Variants in DLGAP1 observed in about 807,000 individuals in gnomAD.
DLGAP1 encodes the protein DLG associated protein 1.
A neutral mutation model predicts 90.8 loss-of-function variants in DLGAP1; 11 were observed. That is an observed-to-expected ratio of 0.12 (90% CI 0.08 to 0.20). The LOEUF (loss-of-function observed/expected upper bound fraction) is 0.20. DLGAP1 is among the 10% of genes least tolerant of loss of function. DLGAP1 has a pLI of 1.00. For missense variants in DLGAP1, 1,050 were observed against 1,333.8 expected, an observed-to-expected ratio of 0.79 and a Z score of 3.31; for synonymous variants, 558 against 540.7, an observed-to-expected ratio of 1.03 and a Z score of -0.44.
intron 1 of DLGAP1, among the ~76,000 whole-genome samples, chr18:4,418,223 G>A (rs1462536301): frequency 6.6e-6 from 1 of 152,036 alleles, no homozygotes; most frequent in Non-Finnish European, 1.5e-5. Context: ...TCCACTACTA[G>A]GCAGAAAAAA....
intron 2 of DLGAP1, among the ~76,000 whole-genome samples, chr18:4,112,229 C>T (rs971078329): frequency 1.3e-5 from 2 of 151,788 alleles, no homozygotes; most frequent in Non-Finnish European, 2.9e-5. Flanking sequence ...TGAGAATTTC[C>T]CCATTTTTTT....
chr18:3,913,283 G>A (rs1339716677), intron 3 of DLGAP1, among the ~76,000 whole-genome samples: 5 of 151,890 alleles, frequency 3.3e-5, no homozygotes, highest in Non-Finnish European at 7.4e-5. Context: ...GTTTTGAGGG[G>A]GTCTCACTTT....
intron 4 of DLGAP1, among the ~76,000 whole-genome samples, chr18:3,842,830 G>A (rs1335904163): frequency 6.6e-6 from 1 of 152,024 alleles, no homozygotes; most frequent in Non-Finnish European, 1.5e-5. Flanking sequence ...TTGTAACCTC[G>A]ATATCTTTGT....
At chr18:3,704,494 C>T (rs1444438238) in intron 7 of DLGAP1, among the ~76,000 whole-genome samples, 10 of 151,892 alleles carry the variant, frequency 6.6e-5, no homozygotes, top group Admixed American at 1.3e-4. Flanking sequence ...CGCTTGAACC[C>T]GGGAGGCAGA....
chr18:4,181,721 T>C (rs2077211277), intron 1 of DLGAP1, among the ~76,000 whole-genome samples: 2 of 152,102 alleles, frequency 1.3e-5, no homozygotes, highest in South Asian at 4.1e-4. Context: ...GTGTCTGGTA[T>C]TTTGACATTC....
intron 7 of DLGAP1, among the ~76,000 whole-genome samples, chr18:3,600,915 GAT>G (rs1364495089): frequency 3.0e-4 from 5 of 16,780 alleles, no homozygotes; most frequent in South Asian, 2.5e-3. Flanking sequence ...TATATAGATA[GAT>G]ATAGATATAT....
intron 1 of DLGAP1, among the ~76,000 whole-genome samples, chr18:4,304,931 C>CAAA (rs36110099): frequency 7.0e-6 from 1 of 142,364 alleles, no homozygotes. Flanking sequence ...AACTGTGTCT[C>CAAA]AAAAAAAAAA....
chr18:4,349,297 G>A (rs1299084510), intron 1 of DLGAP1, among the ~76,000 whole-genome samples: 4 of 152,092 alleles, frequency 2.6e-5, no homozygotes, highest in South Asian at 2.1e-4. Flanking sequence ...TCTCCAAAAC[G>A]ACTGGCCAGC....
Position 4,261,220 on chromosome 18 carries a change from G to C in DLGAP1, c.-266-109933C>G, listed in dbSNP as rs545121871. Among the ~76,000 whole-genome samples the C allele has an allele frequency of 1.0e-3, 158 of 152,238 alleles. 1 individual carries two copies. The highest frequency in any genetic ancestry group is 3.5e-3 in the African/African-American group (147 of 41,530). ...TAGCTGCTGTGCCTGAAAAGAAGCT[G>C]AACTAATGAAAACAGGGTAGCCGTC... On this transcript the variant is annotated intron_variant, in intron 1 of 12. Coordinates refer to ENST00000315677, the MANE Select transcript of DLGAP1 (RefSeq NM_004746.4).
intron 3 of DLGAP1, among the ~76,000 whole-genome samples, chr18:3,938,537 T>C (rs1317822168): frequency 6.6e-6 from 1 of 152,206 alleles, no homozygotes; most frequent in African/African-American, 2.4e-5. Context: ...GGTTTTTAGA[T>C]CATTAGAATC....
At chr18:4,421,421 A>C (rs965390742) in intron 1 of DLGAP1, among the ~76,000 whole-genome samples, 11 of 152,078 alleles carry the variant, frequency 7.2e-5, no homozygotes, top group Non-Finnish European at 1.5e-4. Context: ...TAATTTAATC[A>C]CATCTTTGCC....
intron 1 of DLGAP1, among the ~76,000 whole-genome samples, chr18:4,421,222 G>T (rs2083021448): frequency 6.6e-6 from 1 of 152,110 alleles, no homozygotes; most frequent in Non-Finnish European, 1.5e-5. Context: ...CAGCTCTGGT[G>T]GCTGTCAGTA....
chr18:3,868,753 C>A (rs576591366), intron 4 of DLGAP1, among the ~76,000 whole-genome samples: 2 of 152,322 alleles, frequency 1.3e-5, no homozygotes, highest in South Asian at 4.2e-4. Context: ...TCACAGGGCT[C>A]ACAGAAGAAG....
At chr18:3,574,672 C>T (rs1272855826) in intron 8 of DLGAP1, among the ~76,000 whole-genome samples, 2 of 152,054 alleles carry the variant, frequency 1.3e-5, no homozygotes, top group Non-Finnish European at 2.9e-5. Context: ...ATGCTGACTT[C>T]GAGGACATCA....
rs981516728 is a variant in DLGAP1 at position 3,751,559 on chromosome 18, T to A, written c.1173-9047A>T. Among the ~76,000 whole-genome samples the A allele has an allele frequency of 1.2e-4, 15 of 128,416 alleles. No individual in the cohort carries two copies. The South Asian group carries it at 1.4e-3, about 12-fold the overall frequency. The allele number at this position is 128,416 out of a possible 152,430, so 84.2% of individuals were successfully genotyped here. The stretch of plus-strand genomic sequence containing the variant: ...GTGATCCTCCTGTGACCCGACAAAA[T>A]TTTTTTTTTTTTTTTTTGAGACGGA... On this transcript the variant is annotated intron_variant, in intron 5 of 12. Coordinates refer to ENST00000315677, the MANE Select transcript of DLGAP1 (RefSeq NM_004746.4).
At chr18:4,422,691 C>T (rs79612545) in intron 1 of DLGAP1, among the ~76,000 whole-genome samples, 4 of 152,012 alleles carry the variant, frequency 2.6e-5, no homozygotes, top group East Asian at 1.9e-4. Flanking sequence ...GTCCAAACAT[C>T]GAAGAAATGT....
chr18:3,815,366 A>G (rs1457694774), intron 4 of DLGAP1, among the ~76,000 whole-genome samples: 1 of 142,084 alleles, frequency 7.0e-6, no homozygotes, highest in Admixed American at 7.2e-5. Context: ...CTAATGGAAG[A>G]TAATGGCATT....
At chr18:3,571,047 A>G (rs1418288146) in intron 8 of DLGAP1, among the ~76,000 whole-genome samples, 1 of 151,974 alleles carries the variant, frequency 6.6e-6, no homozygotes, top group Non-Finnish European at 1.5e-5. Flanking sequence ...TCGTCCTGTT[A>G]GCCTCCACCA....
chr18:4,265,132 T>TTCC (rs374042304), intron 1 of DLGAP1, among the ~76,000 whole-genome samples: 51 of 145,576 alleles, frequency 3.5e-4, no homozygotes, highest in African/African-American at 1.1e-3. Context: ...CCTTCCTTCC[T>TTCC]TTCCTCCCTC....
Sources: allele counts gnomAD v4.1 joint callset (sites outside exome capture counted in the v4.1 genomes callset), GRCh38; gene constraint gnomAD v4.1.1; transcripts MANE v1.5; gene names NCBI Gene and HGNC (gene_info 2026-07-23, HGNC 2026-07-21).